Variants in KHDC4 observed in about 807,000 individuals in gnomAD.
The protein encoded by KHDC4 is KH homology domain-containing protein 4.
Under a neutral mutation model 74.5 loss-of-function variants are expected in KHDC4, and 19 were observed. The ratio of observed to expected loss-of-function variants is 0.26; its 90% CI spans 0.18 to 0.37. KHDC4 has a LOEUF of 0.37. KHDC4 is among the 10% of genes least tolerant of loss of function. KHDC4 has a pLI of 1.00. For synonymous variants in KHDC4, 253 were observed against 266.1 expected (o/e 0.95, Z 0.48); for missense variants, 632 against 754.1 (o/e 0.84, Z 1.90).
intron 10 of KHDC4, 72 bp from the exon 11 acceptor site, chr1:155,917,744 A>G (rs1448278987): frequency 1.6e-6 from 2 of 1,215,774 alleles, no homozygotes; most frequent in African/African-American, 3.1e-5. Context: ...AATGATTACA[A>G]TATACTTTAA....
rs377382718 is a variant in KHDC4, at chr1:155,921,671, T to C, written c.1013-43A>G. The stretch of plus-strand genomic sequence containing the variant: ...AAGTGTTTAATCAGCTGCAGCAGAA[T>C]GAGACAATTTAGCTGAATATTAAAC... On this transcript the variant is annotated intron_variant, in intron 9 of 13. Transcript: ENST00000368321. The C allele has an allele frequency of 5.2e-5, 83 of 1,590,370 alleles. No homozygotes were observed. The African/African-American group carries it at 1.1e-3, about 20-fold the overall frequency.
At chr1:155,928,685 G>A (rs1470280520) in intron 4 of KHDC4, among the ~76,000 whole-genome samples, 2 of 151,616 alleles carry the variant, frequency 1.3e-5, no homozygotes, top group Non-Finnish European at 2.9e-5. Context: ...GGGCGTGGTG[G>A]CTCACGCCTG....
At chr1:155,927,506 T>C (rs1386949195) in intron 4 of KHDC4, among the ~76,000 whole-genome samples, 1 of 152,042 alleles carries the variant, frequency 6.6e-6, no homozygotes, top group Non-Finnish European at 1.5e-5. Context: ...GTCTCGTCTA[T>C]CCAAATCAAT....
rs1674207079 is a variant in KHDC4 at position 155,934,326 on chromosome 1, G to A, written c.38+10C>T. On this transcript the variant is annotated intron_variant, in intron 1 of 13. Coordinates refer to ENST00000368321, the MANE Select transcript of KHDC4 (RefSeq NM_014949.4). ...TGCTCGCTCCGATGCCCTCGCCCCT[G>A]AAGCCGTACCCGCCAGCTCCAGGAT... 2 of 1,608,418 alleles carry A rather than the reference G, an allele frequency of 1.2e-6. No individual in the cohort carries two copies. Among genetic ancestry groups the A allele is most frequent in the Admixed American group, 1.7e-5 (1 of 59,968 alleles).
chr1:155,915,945 C>T lies in KHDC4; in HGVS notation c.1573G>A (p.Ala525Thr). The change falls in exon 13 of 14, where the codon GCC becomes ACC. Residue 525 changes from alanine (A) to threonine (T), a missense_variant. Ala to Thr is a moderately conservative substitution (Grantham distance 58). This residue lies in a region of KHDC4 where 254 missense variants were observed against 267.4 expected (regional missense o/e 0.95). Coordinates refer to ENST00000368321, the MANE Select transcript of KHDC4 (RefSeq NM_014949.4). The part of the protein sequence containing the change: ...ERDRQLMPPP[A>T]FPVTGIKTES... ...GTTTTTATTCCAGTCACTGGAAAGG[C>T]TGGTGGAGGCATCAACTGCCTATTG... The T allele has an allele frequency of 1.9e-6, 3 of 1,589,472 alleles. No homozygotes were observed. Among genetic ancestry groups the T allele is most frequent in the Non-Finnish European group, 2.6e-6 (3 of 1,171,434 alleles).
In KHDC4 at chr1:155,915,882, C is replaced by G. The variant is rs778887701; in HGVS notation, c.1636G>C (p.Gly546Arg). 1.9e-6 allele frequency: 3 copies of G among 1,595,362 alleles called. No homozygotes were observed. The highest frequency in any genetic ancestry group is 1.7e-6 in the Non-Finnish European group (2 of 1,169,976). The change falls in exon 13 of 14, where the codon GGG becomes CGG. Residue 546 changes from glycine (G) to arginine (R), a missense_variant. By Grantham distance (125) the Gly-to-Arg change is moderately radical. Around this residue, in one of 4 missense-constraint regions of KHDC4, gnomAD observed 254 missense variants for 267.4 expected, o/e 0.95. Transcript: ENST00000368321. ...DERNGSGTLT[G>R]SHDYPAKKMK... is the part of the protein sequence containing the mutation. Reference sequence around the variant, plus strand: ...GCTATATCACACTCACCATGGCTCCCTGTTAAGGTCCCAGACCCATTCCTT... The same window carrying G: ...GCTATATCACACTCACCATGGCTCCGTGTTAAGGTCCCAGACCCATTCCTT...
intron 10 of KHDC4, among the ~76,000 whole-genome samples, chr1:155,919,592 C>T (rs1458859205): frequency 1.3e-5 from 2 of 151,770 alleles, no homozygotes; most frequent in East Asian, 1.9e-4. Flanking sequence ...GGGCGGATCA[C>T]GAGGTTAGGA....
intron 2 of KHDC4, among the ~76,000 whole-genome samples, chr1:155,930,522 C>T (rs530803109): frequency 6.6e-6 from 1 of 152,266 alleles, no homozygotes; most frequent in Non-Finnish European, 1.5e-5. Flanking sequence ...AGTTATGATA[C>T]TCTATAGCTC....
chr1:155,913,832 A>C lies in KHDC4; in HGVS notation c.*289T>G. 7.8e-6 allele frequency: 3 copies of C among 386,370 alleles called. No homozygotes were observed. The East Asian group carries it at 1.5e-4, about 20-fold the overall frequency. 23.9% of individuals were successfully genotyped at this position (386,370 alleles called of 1,614,324 possible). ...GCTGACCAGGTCAAATGTGTATGGG[A>C]ACGACCCTGTTAGGATGCTTTGTTG... On this transcript the variant is annotated 3_prime_UTR_variant, in exon 14 of 14. Transcript: ENST00000368321.
chr1:155,929,249 G>A, intron 4 of KHDC4, 47 bp downstream of exon 4: 2 of 1,307,944 alleles, frequency 1.5e-6, no homozygotes, highest in Non-Finnish European at 2.2e-6. Flanking sequence ...AGGCTAACGT[G>A]AGTCATACAC....
At chr1:155,925,057 C>T (rs372323863) in intron 7 of KHDC4, among the ~76,000 whole-genome samples, 15 of 140,062 alleles carry the variant, frequency 1.1e-4, no homozygotes, top group East Asian at 6.5e-4. Flanking sequence ...GATGGAGTCT[C>T]GCTCTGTCAC....
rs1673678473 is a variant in KHDC4, at chr1:155,913,914, T to C, written c.*207A>G. 3.6e-6 allele frequency: 2 copies of C among 560,204 alleles called. No homozygotes were observed. The highest frequency in any genetic ancestry group is 1.9e-5 in the African/African-American group (1 of 53,178). 34.7% of individuals were successfully genotyped at this position (560,204 alleles called of 1,614,324 possible). A position where few individuals can be genotyped will look rare whatever the true frequency, so the allele number is the denominator to read the frequency against. On this transcript the variant is annotated 3_prime_UTR_variant, in exon 14 of 14. Transcript: ENST00000368321. ...TTCTGAGATAAATTTGTGATTCTAA[T>C]TAAATTTTAACAGATTCTATGCCAC...
chr1:155,922,066 A>G (rs1351411172), intron 8 of KHDC4, 148 bp from the exon 9 acceptor site: 1 of 355,828 alleles, frequency 2.8e-6, no homozygotes, highest in East Asian at 5.0e-5. Flanking sequence ...TTTAACCCAC[A>G]TTTTTTTTTT....
At chr1:155,927,681 T>G (rs1173489921) in intron 4 of KHDC4, among the ~76,000 whole-genome samples, 1 of 151,638 alleles carries the variant, frequency 6.6e-6, no homozygotes, top group Admixed American at 6.6e-5. Flanking sequence ...GGCACGCCTG[T>G]AGTCCCAGCT....
chr1:155,916,666 C>A lies in KHDC4; in HGVS notation c.1512G>T (p.Ser504=). The part of the protein sequence containing the change: ...SSQNEIEGAG[S]KPASSSGKER... ...CTTTGCCTGAGGAACTTGCTGGCTT[C>A]GATCCTGCACCTTCAATCTCATTCT... The change falls in exon 12 of 14, where the codon TCG becomes TCT. Residue 504 remains serine (S), a synonymous_variant. Transcript: ENST00000368321. The A allele has an allele frequency of 6.2e-7, 1 of 1,613,822 alleles. No individual in the cohort carries two copies. Among genetic ancestry groups the A allele is most frequent in the Non-Finnish European group, 8.5e-7 (1 of 1,179,952 alleles).
chr1:155,925,642 T>C lies in KHDC4; in HGVS notation c.883A>G (p.Ile295Val), dbSNP rs2102604378. 5 of 1,613,988 alleles carry C rather than the reference T, an allele frequency of 3.1e-6. No homozygotes were observed. The highest frequency in any genetic ancestry group is 3.4e-6 in the Non-Finnish European group (4 of 1,179,846). Residue 295 changes from isoleucine to valine, a missense_variant, in exon 7 of 14, where the codon ATT (isoleucine) becomes GTT (valine). Physicochemically the swap from Ile to Val is conservative, Grantham distance 29. Transcript: ENST00000368321. Reference protein sequence around the residue: ...SGREAFEPMYIYISHPKPEGL... With the variant: ...SGREAFEPMYVYISHPKPEGL... ...CCTATCCATCCATACCTGATGTAAA[T>C]ATACATAGGTTCAAAAGCTTCTCGG...
At chr1:155,930,989 C>G (rs1674128674) in intron 2 of KHDC4, among the ~76,000 whole-genome samples, 1 of 151,940 alleles carries the variant, frequency 6.6e-6, no homozygotes, top group Admixed American at 6.6e-5. Context: ...CCAGCCTGGG[C>G]AACAAGAGCA....
chr1:155,921,669 A>G (rs1441666034), intron 9 of KHDC4, 41 bp from the exon 10 acceptor site: 1 of 1,592,064 alleles, frequency 6.3e-7, no homozygotes, highest in Non-Finnish European at 8.6e-7. Flanking sequence ...GCTGCAGCAG[A>G]ATGAGACAAT....
chr1:155,922,761 A>T (rs1180541068), intron 8 of KHDC4, among the ~76,000 whole-genome samples: 1 of 152,200 alleles, frequency 6.6e-6, no homozygotes, highest in African/African-American at 2.4e-5. Flanking sequence ...ATAGTCAAGA[A>T]AATTATCCGG....
Sources: gnomAD v4.1 joint callset for allele counts (sites outside exome capture counted in the v4.1 genomes callset) on GRCh38, gnomAD v4.1.1 for gene constraint, gnomAD v4.1.1 regional missense constraint, MANE v1.5 for transcripts, NCBI Gene and HGNC (gene_info 2026-07-23, HGNC 2026-07-21) for gene names.